The following FHIT variants were observed in gnomAD, a reference collection of about 807,000 sequenced individuals.
FHIT encodes the protein fragile histidine triad diadenosine triphosphatase.
A neutral mutation model predicts 17.9 loss-of-function variants in FHIT; 19 were observed. The observed-to-expected ratio is 1.06, with a 90% confidence interval of 0.74 to 1.56. The LOEUF (loss-of-function observed/expected upper bound fraction) is 1.56. Among genes scored for constraint, FHIT ranks in the 40% most tolerant of loss-of-function variants. The probability of loss-of-function intolerance (pLI) is 0.00; values close to 1 mark genes in which losing one functional copy is unlikely to be tolerated. For missense variants in FHIT, 248 were observed against 189.2 expected (o/e 1.31, Z -1.82); for synonymous variants, 81 against 69.7 (o/e 1.16, Z -0.81).
chr3:60,836,782 G>A (rs893911704), intron 3 of FHIT, among the ~76,000 whole-genome samples: 3 of 152,176 alleles, frequency 2.0e-5, no homozygotes, highest in Non-Finnish European at 4.4e-5. Context: ...TTGATTTTGG[G>A]GGAAGGCAGG....
chr3:60,771,060 T>C (rs1441790605), intron 4 of FHIT, among the ~76,000 whole-genome samples: 3 of 152,250 alleles, frequency 2.0e-5, no homozygotes, highest in African/African-American at 7.2e-5. Context: ...CTTTAAGCCA[T>C]AAGCAGTGAA....
At chr3:60,466,408 C>T (rs189505409) in intron 5 of FHIT, among the ~76,000 whole-genome samples, 1 of 152,112 alleles carries the variant, frequency 6.6e-6, no homozygotes, top group East Asian at 1.9e-4. Context: ...ACTTCCAGTA[C>T]TATGTTGAAT....
At chr3:60,037,526 G>C (rs1338795413) in intron 5 of FHIT, among the ~76,000 whole-genome samples, 1 of 151,468 alleles carries the variant, frequency 6.6e-6, no homozygotes, top group Non-Finnish European at 1.5e-5. Context: ...GGGACTACAG[G>C]CACGCACCAC....
intron 8 of FHIT, among the ~76,000 whole-genome samples, chr3:59,821,309 C>A (rs1180211888): frequency 6.6e-6 from 1 of 152,166 alleles, no homozygotes; most frequent in Non-Finnish European, 1.5e-5. Context: ...GCAGAAGCAA[C>A]TGATGTTGGC....
chr3:60,973,374 C>T (rs1341132123), intron 3 of FHIT, among the ~76,000 whole-genome samples: 1 of 152,134 alleles, frequency 6.6e-6, no homozygotes, highest in Non-Finnish European at 1.5e-5. Flanking sequence ...ACAATATCTG[C>T]TTTGCCATTT....
In FHIT at chr3:60,789,171, TATATAGAGAG is replaced by T. The variant is rs1190288258; in HGVS notation, c.-18+32738_-18+32747del. On this transcript the variant is annotated intron_variant, in intron 4 of 9. Transcript: ENST00000492590. The stretch of plus-strand genomic sequence containing the variant: ...GTGTGTGTGTGTATATATATATATA[TATATAGAGAG>T]AGAGAGAGAGAGAGAGAGACAGAGG... Among the ~76,000 whole-genome samples, 334 of 130,104 alleles carry T rather than the reference TATATAGAGAG, an allele frequency of 2.6e-3. 1 individual carries two copies. The highest frequency in any genetic ancestry group is 5.2e-3 in the African/African-American group (168 of 32,146). 85.4% of individuals were successfully genotyped at this position (130,104 alleles called of 152,430 possible). A position where few individuals can be genotyped will look rare whatever the true frequency, so the allele number is the denominator to read the frequency against.
chr3:59,810,066 G>C (rs979770172), intron 8 of FHIT, among the ~76,000 whole-genome samples: 14 of 152,268 alleles, frequency 9.2e-5, no homozygotes, highest in Admixed American at 7.8e-4. Flanking sequence ...GTCACAGCAA[G>C]CAGATGCTGG....
intron 5 of FHIT, among the ~76,000 whole-genome samples, chr3:60,018,524 G>C (rs936221044): frequency 2.0e-4 from 31 of 152,210 alleles, no homozygotes; most frequent in African/African-American, 7.2e-4. Flanking sequence ...CTGTTAAGTG[G>C]CAACATGAAG....
intron 5 of FHIT, among the ~76,000 whole-genome samples, chr3:60,025,465 T>G (rs1311704421): frequency 6.6e-6 from 1 of 152,182 alleles, no homozygotes; most frequent in Non-Finnish European, 1.5e-5. Flanking sequence ...GAATCTAATA[T>G]ACCCAGTACT....
chr3:60,911,015 C>A (rs951971590), intron 3 of FHIT, among the ~76,000 whole-genome samples: 1 of 152,160 alleles, frequency 6.6e-6, no homozygotes, highest in African/African-American at 2.4e-5. Flanking sequence ...AGTCATGGCT[C>A]GTAACTTGCT....
At chr3:60,164,087 G>T (rs61006656) in intron 5 of FHIT, among the ~76,000 whole-genome samples, 22,217 of 152,086 alleles carry the variant, frequency 0.15, 3,651 homozygotes, top group African/African-American at 0.38. Context: ...CCCTAAAAAA[G>T]GTTTGGTGGG....
At chr3:60,521,234 T>C (rs896699209) in intron 5 of FHIT, among the ~76,000 whole-genome samples, 3 of 139,592 alleles carry the variant, frequency 2.1e-5, no homozygotes, top group African/African-American at 8.1e-5. Flanking sequence ...TAATGGACAA[T>C]AAAAAAAAAA....
At chr3:59,767,292 A>T (rs1222054053) in intron 8 of FHIT, among the ~76,000 whole-genome samples, 1 of 152,210 alleles carries the variant, frequency 6.6e-6, no homozygotes, top group Non-Finnish European at 1.5e-5. Context: ...TGAGGTCAGG[A>T]GTTCGAGACC....
chr3:60,890,409 G>T (rs1202158566), intron 3 of FHIT, among the ~76,000 whole-genome samples: 1 of 152,076 alleles, frequency 6.6e-6, no homozygotes, highest in Non-Finnish European at 1.5e-5. Context: ...CAAATGGAGC[G>T]GAACAACTAC....
intron 3 of FHIT, among the ~76,000 whole-genome samples, chr3:60,924,008 G>C (rs1707436028): frequency 1.3e-5 from 2 of 152,144 alleles, no homozygotes; most frequent in Admixed American, 1.3e-4. Context: ...GCGAGGCTTG[G>C]GGAGGGGCCC....
At chr3:60,992,983 A>T (rs760236560) in intron 3 of FHIT, among the ~76,000 whole-genome samples, 2 of 152,176 alleles carry the variant, frequency 1.3e-5, no homozygotes, top group South Asian at 2.1e-4. Context: ...CACAATGCAA[A>T]GTCATTAAGT....
intron 2 of FHIT, among the ~76,000 whole-genome samples, chr3:61,114,451 T>C (rs2036243462): frequency 6.6e-6 from 1 of 152,198 alleles, no homozygotes. Context: ...ACTTAGTTCT[T>C]GTAGGGCCTC....
intron 4 of FHIT, among the ~76,000 whole-genome samples, chr3:60,712,190 G>A (rs2041553815): frequency 6.6e-6 from 1 of 152,134 alleles, no homozygotes; most frequent in African/African-American, 2.4e-5. Flanking sequence ...CTTCATAAGT[G>A]AAGGAGAAAT....
chr3:60,534,439 CAAAAAAAAAA>C (rs563992117), intron 5 of FHIT, among the ~76,000 whole-genome samples: 4 of 32,410 alleles, frequency 1.2e-4, no homozygotes, highest in South Asian at 2.2e-3. Context: ...GACTCCGTCT[CAAAAAAAAAA>C]AAAAAAAAAA....
Sources: gnomAD v4.1 joint callset for allele counts (sites outside exome capture counted in the v4.1 genomes callset) on GRCh38, gnomAD v4.1.1 for gene constraint, MANE v1.5 for transcripts, NCBI Gene and HGNC (gene_info 2026-07-23, HGNC 2026-07-21) for gene names.